CCAR2: variants seen among roughly 807,000 people sequenced by gnomAD.
CCAR2 encodes cell cycle and apoptosis regulator 2, also known as cell cycle and apoptosis regulator protein 2.
In CCAR2, 21 loss-of-function variants were observed where a neutral mutation model predicts 108.1. The ratio of observed to expected loss-of-function variants is 0.19; its 90% confidence interval spans 0.14 to 0.28. The LOEUF (loss-of-function observed/expected upper bound fraction) is 0.28. Among genes scored for constraint, CCAR2 ranks in the 10% least tolerant of loss-of-function variants. The pLI, the probability that CCAR2 is intolerant of heterozygous loss-of-function variation, is 1.00. For synonymous variants in CCAR2, 577 were observed against 472.8 expected, an observed-to-expected ratio of 1.22 and a Z score of -2.86; for missense variants, 1,126 against 1,177.0, an observed-to-expected ratio of 0.96 and a Z score of 0.63.
chr8:22,616,368 G>T, intron 14 of CCAR2, 120 bp downstream of exon 14: 1 of 909,942 alleles, frequency 1.1e-6, no homozygotes, highest in Non-Finnish European at 1.7e-6. Context: ...TGCTCGGCAT[G>T]GACTGAGGCC....
chr8:22,606,794 T>C (rs555302433), intron 4 of CCAR2, 96 bp downstream of exon 4: 2 of 1,473,590 alleles, frequency 1.4e-6, no homozygotes, highest in African/African-American at 2.8e-5. Flanking sequence ...GCCATTGCTT[T>C]GCTGTTTTTG....
rs1801457373 is a variant in CCAR2 at position 22,615,327 on chromosome 8, A to G, written c.1206-98A>G. ...AAAGCTTGGTTCGCAGTGTGTGCTC[A>G]TTGAGTGCTGACTGGAAACTGAAGC... On this transcript the variant is annotated intron_variant, in intron 11 of 20. Transcript: ENST00000308511. 4 of 1,419,642 alleles carry G rather than the reference A, an allele frequency of 2.8e-6. No homozygotes were observed. The South Asian group carries it at 5.2e-5, about 19-fold the overall frequency. 87.9% of individuals were successfully genotyped at this position (1,419,642 alleles called of 1,614,324 possible).
At position 22,617,442 on chromosome 8, in the gene CCAR2, A is replaced by G. The variant is rs200080724; in HGVS notation, c.1868A>G (p.Lys623Arg). ...APLKEDGLLP[K>R]PLSSGGEEEE... ...TAGAAGGAGGATGGGCTTTTGCCCA[A>G]ACCACTCTCTTCTGGGGGAGAGGAA... Residue 623 changes from lysine (K) to arginine (R), a missense_variant, in exon 15 of 21, where the codon AAA (lysine) becomes AGA (arginine). This residue lies in a region of CCAR2 where 1,013 missense variants were observed against 993.9 expected (regional missense o/e 1.02). Transcript: ENST00000308511. The G allele has an allele frequency of 6.4e-7, 1 of 1,567,684 alleles. No individual in the cohort carries two copies. Among genetic ancestry groups the G allele is most frequent in the South Asian group, 1.2e-5 (1 of 83,344 alleles).
At chr8:22,611,376 A>AGTAT (rs1231433128) in intron 7 of CCAR2, among the ~76,000 whole-genome samples, 1 of 86,330 alleles carries the variant, frequency 1.2e-5, no homozygotes, top group African/African-American at 4.6e-5. Flanking sequence ...AAAAAAAAAA[A>AGTAT]AAAGTATATA....
chr8:22,607,452 G>A (rs1801118399), intron 6 of CCAR2, 127 bp downstream of exon 6: 2 of 1,027,084 alleles, frequency 1.9e-6, no homozygotes, highest in Admixed American at 5.6e-5. Context: ...TGGGCAATCT[G>A]GATAGGTGTT....
chr8:22,621,443 G>A, downstream of CCAR2: 1 of 1,613,614 alleles, frequency 6.2e-7, no homozygotes, highest in Non-Finnish European at 8.5e-7. Flanking sequence ...CCACAATGGA[G>A]AGGGCCCGGA....
chr8:22,611,360 CAAAAAA>C (rs533441943), intron 7 of CCAR2, among the ~76,000 whole-genome samples: 1 of 99,740 alleles, frequency 1.0e-5, no homozygotes, highest in South Asian at 3.0e-4. Context: ...GACTCTGTCT[CAAAAAA>C]AAAAAAAAAA....
At chr8:22,621,322 A>G, downstream of CCAR2, 1 of 1,444,646 alleles carries the variant, frequency 6.9e-7, no homozygotes, top group Admixed American at 2.3e-5. Flanking sequence ...AACCAGGGCC[A>G]CCTCTGTCCC....
downstream of CCAR2, chr8:22,620,690 A>G (rs1343501708): frequency 6.6e-6 from 1 of 152,178 alleles, no homozygotes; most frequent in Non-Finnish European, 1.5e-5. Context: ...CTGCTCGCCT[A>G]AGTTACAGCA....
In CCAR2 at chr8:22,604,814, C is replaced by A. The variant is rs201605352; in HGVS notation, c.-67C>A. 2.2e-6 allele frequency: 1 copy of A among 455,128 alleles called. No individual in the cohort carries two copies. Among genetic ancestry groups the A allele is most frequent in the Non-Finnish European group, 4.4e-6 (1 of 226,726 alleles). The allele number at this position is 455,128 out of a possible 1,614,324, so 28.2% of individuals were successfully genotyped here. On this transcript the variant is annotated 5_prime_UTR_variant, in exon 1 of 21. Coordinates refer to ENST00000308511, the MANE Select transcript of CCAR2 (RefSeq NM_001393997.1). ...CTGTGGTGGTTCCGGGTGTCTTTGT[C>A]CCCCCGGTGTCGCTGCCCTGGCCCG... is the stretch of plus-strand genomic sequence containing the variant.
At chr8:22,605,670 C>A in intron 1 of CCAR2, 66 bp from the exon 2 acceptor site, 1 of 944,600 alleles carries the variant, frequency 1.1e-6, no homozygotes. Context: ...TAAGATTCTC[C>A]ACTTTTCCGG....
intron 7 of CCAR2, 25 bp from the exon 8 acceptor site, chr8:22,612,992 C>T (rs745569412): frequency 6.2e-7 from 1 of 1,604,134 alleles, no homozygotes; most frequent in Non-Finnish European, 8.5e-7. Flanking sequence ...TGGTTTCTTA[C>T]TGTTGGTGAT....
rs779023105 is a variant in CCAR2 at position 22,608,096 on chromosome 8, C to T, written c.584+31C>T. On this transcript the variant is annotated intron_variant, in intron 7 of 20. Transcript: ENST00000308511. ...AGGATGATGTCCCTTTTTTTGGCCA[C>T]TTGTTGACACTAACATTCTCTTTAT... is the stretch of plus-strand genomic sequence containing the variant. 49 of 1,466,242 alleles carry T rather than the reference C, an allele frequency of 3.3e-5. No homozygotes were observed. In the Admixed American group the frequency reaches 8.7e-4, roughly 26 times the overall value. 90.8% of individuals were successfully genotyped at this position (1,466,242 alleles called of 1,614,324 possible).
rs1801567625 is a variant in CCAR2 at position 22,617,415 on chromosome 8, T to C, written c.1846-5T>C. On this transcript the variant is annotated splice_region_variant and splice_polypyrimidine_tract_variant and intron_variant, in intron 14 of 20. Coordinates refer to ENST00000308511, the MANE Select transcript of CCAR2 (RefSeq NM_001393997.1). ...TTTCCTTATAACCTTTGTCTGCCTC[T>C]GTAGAAGGAGGATGGGCTTTTGCCC... The C allele has an allele frequency of 1.3e-6, 2 of 1,532,094 alleles. No individual in the cohort carries two copies. Among genetic ancestry groups the C allele is most frequent in the Admixed American group, 2.2e-5 (1 of 45,326 alleles). The allele number at this position is 1,532,094 out of a possible 1,614,324, so 94.9% of individuals were successfully genotyped here. A position where few individuals can be genotyped will look rare whatever the true frequency, so the allele number is the denominator to read the frequency against.
At chr8:22,615,958 G>A in intron 13 of CCAR2, 46 bp downstream of exon 13, 1 of 1,612,714 alleles carries the variant, frequency 6.2e-7, no homozygotes, top group Middle Eastern at 1.7e-4. Context: ...GGATTTGTGG[G>A]CCTGAAGCAG....
chr8:22,619,401 G>A (rs1184393263), intron 20 of CCAR2, 46 bp downstream of exon 20: 1 of 1,539,784 alleles, frequency 6.5e-7, no homozygotes, highest in Non-Finnish European at 8.8e-7. Context: ...CTTTCCCTGA[G>A]CTCCAAAAGT....
chr8:22,619,380 C>T (rs1226662004), intron 20 of CCAR2, 25 bp downstream of exon 20: 1 of 1,547,994 alleles, frequency 6.5e-7, no homozygotes, highest in South Asian at 1.2e-5. Flanking sequence ...GACCAGGAGG[C>T]AGCACAGCTC....
In CCAR2 at chr8:22,604,777, C is replaced by G. The variant is rs199827606; in HGVS notation, c.-104C>G. On this transcript the variant is annotated 5_prime_UTR_variant, in exon 1 of 21. Coordinates refer to ENST00000308511, the MANE Select transcript of CCAR2 (RefSeq NM_001393997.1). ...TCCGGAGAGGCGCTTCCGGTGGCGG[C>G]GGCAGCAGCGGCTGTGGTGGTTCCG... 7 of 456,074 alleles carry G rather than the reference C, an allele frequency of 1.5e-5. 1 individual carries two copies. Among genetic ancestry groups the G allele is most frequent in the South Asian group, 7.7e-5 (5 of 64,524 alleles). 28.3% of individuals were successfully genotyped at this position (456,074 alleles called of 1,614,324 possible).
intron 6 of CCAR2, among the ~76,000 whole-genome samples, chr8:22,607,638 T>C (rs1801127716): frequency 6.6e-6 from 1 of 151,898 alleles, no homozygotes; most frequent in Non-Finnish European, 1.5e-5. Flanking sequence ...CGGCTAATTT[T>C]TTTTGAGAGA....
Sources: gnomAD v4.1 joint callset for allele counts (sites outside exome capture counted in the v4.1 genomes callset) on GRCh38, gnomAD v4.1.1 for gene constraint, gnomAD v4.1.1 regional missense constraint, MANE v1.5 for transcripts, NCBI Gene and HGNC (gene_info 2026-07-23, HGNC 2026-07-21) for gene names.